Variants in VPS13B observed in about 807,000 individuals in gnomAD.
VPS13B encodes intermembrane lipid transfer protein VPS13B.
In VPS13B, 285 loss-of-function variants were observed where a neutral mutation model predicts 426.4. The ratio of observed to expected loss-of-function variants is 0.67; its 90% confidence interval spans 0.61 to 0.74. VPS13B has a LOEUF of 0.74. Ranked by LOEUF, VPS13B falls within the 30% of genes least tolerant of loss-of-function variation. VPS13B has a pLI of 0.00. For synonymous variants in VPS13B, 1,676 were observed against 1,676.4 expected (o/e 1.00, Z 0.01); for missense variants, 4,537 against 4,782.6 (o/e 0.95, Z 1.51).
rs1816115151 is a variant in VPS13B at position 99,848,872 on chromosome 8, C to A, written c.10039C>A (p.Pro3347Thr). 1.2e-6 allele frequency: 2 copies of A among 1,614,112 alleles called. No homozygotes were observed. The highest frequency in any genetic ancestry group is 4.5e-5 in the East Asian group (2 of 44,880). The part of the protein sequence containing the change: ...ITVAPEGKAG[P>T]ILTNTNRAPE... ...TGTGGCCCCAGAAGGAAAAGCAGGA[C>A]CTATTTTAACCAATACCAACAGGTA... Residue 3347 changes from proline to threonine, a missense_variant, in exon 55 of 62, where the codon CCT (proline) becomes ACT (threonine). This residue lies in a region of VPS13B where 4,311 missense variants were observed against 4,474.3 expected (regional missense o/e 0.96). Coordinates refer to ENST00000357162, the MANE Select transcript of VPS13B (RefSeq NM_152564.5).
Position 99,871,555 on chromosome 8 carries a change from A to C in VPS13B, c.11603A>C (p.Glu3868Ala). ...EHEGCLLLTS[E>A]VLFVVSVSED... Reference sequence around the variant, plus strand: ...GAAGGGTGCTTGCTGCTGACATCAGAAGTGCTCTTCGTGGTGAGTGTCAGT... The same window carrying C: ...GAAGGGTGCTTGCTGCTGACATCAGCAGTGCTCTTCGTGGTGAGTGTCAGT... Residue 3868 changes from glutamate to alanine, a missense_variant, in exon 61 of 62, where the codon GAA (glutamate) becomes GCA (alanine). Transcript: ENST00000357162. 6.2e-7 allele frequency: 1 copy of C among 1,614,172 alleles called. No homozygotes were observed.
At chr8:99,470,888 AAATTTTGAC>A (rs1819368812) in intron 24 of VPS13B, among the ~76,000 whole-genome samples, 1 of 152,104 alleles carries the variant, frequency 6.6e-6, no homozygotes, top group South Asian at 2.1e-4. Context: ...AAATTTTTTA[AAATTTTGAC>A]AATTTTGACA....
chr8:99,754,086 T>A (rs959264852), intron 39 of VPS13B, among the ~76,000 whole-genome samples: 1 of 64,136 alleles, frequency 1.6e-5, no homozygotes, highest in African/African-American at 4.6e-5. Flanking sequence ...AGTATAAGGG[T>A]TTTTTTTTTT....
At chr8:99,671,499 T>C (rs548882581) in intron 35 of VPS13B, among the ~76,000 whole-genome samples, 1 of 152,320 alleles carries the variant, frequency 6.6e-6, no homozygotes, top group East Asian at 1.9e-4. Context: ...CTATTTTTGC[T>C]TTTGTTGCTG....
chr8:99,662,334 A>G (rs2129773721), intron 35 of VPS13B, among the ~76,000 whole-genome samples: 1 of 152,278 alleles, frequency 6.6e-6, no homozygotes, highest in Admixed American at 6.5e-5. Flanking sequence ...TTTATTTAAC[A>G]AAAATTATTA....
chr8:99,721,133 C>T (rs1327791173), intron 39 of VPS13B, 86 bp downstream of exon 39: 2 of 1,347,782 alleles, frequency 1.5e-6, no homozygotes, highest in Non-Finnish European at 2.1e-6. Flanking sequence ...AACATACTTA[C>T]TTCTTACATT....
At chr8:99,832,714 A>C (rs2130858681) in intron 52 of VPS13B, 62 bp downstream of exon 52, 1 of 1,556,694 alleles carries the variant, frequency 6.4e-7, no homozygotes, top group Non-Finnish European at 8.8e-7. Flanking sequence ...GTTCATCTAG[A>C]TGCCAAGAGA....
At position 99,111,071 on chromosome 8, in the gene VPS13B, AC is replaced by A. The variant is rs1001286265; in HGVS notation, c.581-26del. On this transcript the variant is annotated intron_variant, in intron 5 of 61. Coordinates refer to ENST00000357162, the MANE Select transcript of VPS13B (RefSeq NM_152564.5). ...CTTTCCCCTGCTAATTTTCCTTTTT[AC>A]TTAAAATGTTTTTTTTTCTTTTTAG... is the stretch of plus-strand genomic sequence containing the variant. 3 of 1,586,224 alleles carry A rather than the reference AC, an allele frequency of 1.9e-6. No homozygotes were observed. In the African/African-American group the frequency reaches 4.0e-5, roughly 21 times the overall value.
At chr8:99,029,180 G>C (rs907040166) in intron 2 of VPS13B, among the ~76,000 whole-genome samples, 5 of 150,792 alleles carry the variant, frequency 3.3e-5, no homozygotes, top group African/African-American at 1.2e-4. Flanking sequence ...TCAGACGATG[G>C]GCGGCCGGGC....
chr8:99,311,786 T>A (rs534424461), intron 19 of VPS13B, among the ~76,000 whole-genome samples: 1 of 152,274 alleles, frequency 6.6e-6, no homozygotes, highest in South Asian at 2.1e-4. Context: ...AGTCTCCCAT[T>A]ATTATAGTGT....
intron 39 of VPS13B, among the ~76,000 whole-genome samples, chr8:99,739,694 T>C (rs911012554): frequency 3.9e-5 from 6 of 152,208 alleles, no homozygotes; most frequent in Admixed American, 2.0e-4. Flanking sequence ...CCTCCGCTGC[T>C]GATACCCAGG....
chr8:99,163,285 A>C (rs2132643703), intron 15 of VPS13B, among the ~76,000 whole-genome samples: 1 of 152,354 alleles, frequency 6.6e-6, no homozygotes, highest in Non-Finnish European at 1.5e-5. Context: ...CCTGAGCTAG[A>C]TATAAAGACT....
intron 8 of VPS13B, among the ~76,000 whole-genome samples, chr8:99,133,344 C>A (rs969127009): frequency 1.3e-5 from 2 of 152,220 alleles, no homozygotes; most frequent in Non-Finnish European, 2.9e-5. Flanking sequence ...GGGCTTTACT[C>A]TGGATTCAGC....
intron 22 of VPS13B, 131 bp from the exon 23 acceptor site, chr8:99,442,270 T>C: frequency 2.6e-6 from 2 of 760,894 alleles, no homozygotes; most frequent in Non-Finnish European, 4.3e-6. Context: ...TATTCATTAG[T>C]GAAAATAAGT....
intron 2 of VPS13B, among the ~76,000 whole-genome samples, chr8:99,017,492 AT>A (rs1313198050): frequency 2.0e-5 from 3 of 149,208 alleles, no homozygotes; most frequent in South Asian, 2.1e-4. Context: ...TATACATTTT[AT>A]TTTTTTATTT....
chr8:99,206,841 C>G (rs1814754539), intron 17 of VPS13B, among the ~76,000 whole-genome samples: 1 of 152,102 alleles, frequency 6.6e-6, no homozygotes, highest in Non-Finnish European at 1.5e-5. Flanking sequence ...CAAACTACTT[C>G]CCCCAACACC....
chr8:99,710,190 T>C (rs1832653933), intron 36 of VPS13B, among the ~76,000 whole-genome samples: 1 of 152,160 alleles, frequency 6.6e-6, no homozygotes, highest in Non-Finnish European at 1.5e-5. Flanking sequence ...AGAACAAATA[T>C]AAACATTTGT....
chr8:99,865,358 C>G (rs1414503814), intron 58 of VPS13B, among the ~76,000 whole-genome samples: 1 of 152,242 alleles, frequency 6.6e-6, no homozygotes, highest in Non-Finnish European at 1.5e-5. Flanking sequence ...TCAAGAATTG[C>G]TTCTCTGACC....
intron 15 of VPS13B, among the ~76,000 whole-genome samples, chr8:99,164,020 C>G (rs541467597): frequency 3.7e-4 from 56 of 152,298 alleles, no homozygotes; most frequent in Middle Eastern, 3.4e-3. Flanking sequence ...GTTGACTGCT[C>G]TAGCTACTTC....
Sources: gnomAD v4.1 joint callset for allele counts (sites outside exome capture counted in the v4.1 genomes callset) on GRCh38, gnomAD v4.1.1 for gene constraint, gnomAD v4.1.1 regional missense constraint, MANE v1.5 for transcripts, NCBI Gene and HGNC (gene_info 2026-07-23, HGNC 2026-07-21) for gene names.